Variants in TOX2 observed in about 807,000 individuals in gnomAD.
TOX2 encodes granulosa cell HMG box 1.
TOX2 carries 15 observed loss-of-function variants against 47.4 expected under a neutral mutation model. That is an observed-to-expected ratio of 0.32 (90% CI 0.21 to 0.49). The LOEUF (loss-of-function observed/expected upper bound fraction) is 0.49. Among genes scored for constraint, TOX2 ranks in the 20% least tolerant of loss-of-function variants. TOX2 has a pLI of 0.99. For missense variants in TOX2, 622 were observed against 673.1 expected (o/e 0.92, Z 0.84); for synonymous variants, 290 against 296.6 (o/e 0.98, Z 0.23).
At chr20:44,055,870 A>G (rs534890276) in intron 5 of TOX2, among the ~76,000 whole-genome samples, 2 of 152,288 alleles carry the variant, frequency 1.3e-5, no homozygotes, top group African/African-American at 4.8e-5. Context: ...GAGATGAATT[A>G]CTGACTTATT....
At chr20:44,036,443 TCA>T (rs2071242086) in intron 3 of TOX2, among the ~76,000 whole-genome samples, 1 of 152,248 alleles carries the variant, frequency 6.6e-6, no homozygotes, top group African/African-American at 2.4e-5. Flanking sequence ...ATTCTGAGCC[TCA>T]GTTTCCTCAT....
At chr20:43,952,652 A>G (rs967387676) in intron 1 of TOX2, among the ~76,000 whole-genome samples, 2 of 152,160 alleles carry the variant, frequency 1.3e-5, no homozygotes, top group Non-Finnish European at 2.9e-5. Flanking sequence ...GCTCCAATAA[A>G]TGGTAAGGGG....
At position 43,991,748 on chromosome 20, in the gene TOX2, A is replaced by G. The variant is rs562743432; in HGVS notation, c.166-14799A>G. Among the ~76,000 whole-genome samples, 50 of 151,932 alleles carry G rather than the reference A, an allele frequency of 3.3e-4. 1 individual carries two copies. The South Asian group carries it at 0.01, about 31-fold the overall frequency. On this transcript the variant is annotated intron_variant, in intron 2 of 8. Coordinates refer to ENST00000341197, the MANE Select transcript of TOX2 (RefSeq NM_001098797.2). ...AACCTCCACCTCCCAGGTTCAAGCA[A>G]TTCTGCTGCTTCAGCCTCCTGAGTA...
intron 3 of TOX2, among the ~76,000 whole-genome samples, chr20:44,017,044 C>T (rs1159193441): frequency 1.3e-5 from 2 of 152,226 alleles, no homozygotes; most frequent in African/African-American, 4.8e-5. Flanking sequence ...CCTGGGATGG[C>T]CTGAAGGCTG....
At chr20:43,996,812 A>T (rs1159814385) in intron 2 of TOX2, among the ~76,000 whole-genome samples, 1 of 152,100 alleles carries the variant, frequency 6.6e-6, no homozygotes, top group Non-Finnish European at 1.5e-5. Context: ...AGCAAGTAAG[A>T]TTCCCCATGT....
In TOX2 at chr20:44,006,777, G is replaced by C. The variant is rs1291241720; in HGVS notation, c.396G>C (p.Ser132=). 2 of 1,613,400 alleles carry C rather than the reference G, an allele frequency of 1.2e-6. No homozygotes were observed. Among genetic ancestry groups the C allele is most frequent in the South Asian group, 2.2e-5 (2 of 91,044 alleles). ...TAGCACAGGACAGCCACCTGCTGTC[G>C]GGCCAGCTGCCCACGGTGAGTCCCT... ...NMLAQDSHLL[S]GQLPTIQEMV... is the part of the protein sequence containing the mutation. The change falls in exon 3 of 9, where the codon TCG becomes TCC. Residue 132 remains serine (S), a synonymous_variant. Coordinates refer to ENST00000341197, the MANE Select transcript of TOX2 (RefSeq NM_001098797.2).
chr20:44,030,946 C>A (rs1343062859), intron 3 of TOX2, among the ~76,000 whole-genome samples: 1 of 152,148 alleles, frequency 6.6e-6, no homozygotes, highest in Non-Finnish European at 1.5e-5. Context: ...TTGTTAAATT[C>A]TTCCTTAAAA....
chr20:44,053,439 T>TACACACACACAC (rs111951284), intron 4 of TOX2, among the ~76,000 whole-genome samples: 39 of 143,146 alleles, frequency 2.7e-4, no homozygotes, highest in African/African-American at 9.2e-4. Flanking sequence ...GGCAGATATA[T>TACACACACACAC]ACACACACAC....
At chr20:44,018,639 C>T (rs2070924210) in intron 3 of TOX2, among the ~76,000 whole-genome samples, 1 of 152,208 alleles carries the variant, frequency 6.6e-6, no homozygotes, top group South Asian at 2.1e-4. Context: ...CTCATGAGCT[C>T]TCTTTCTCTC....
intron 2 of TOX2, among the ~76,000 whole-genome samples, chr20:43,997,039 A>C (rs748690902): frequency 4.6e-5 from 7 of 152,202 alleles, no homozygotes; most frequent in Non-Finnish European, 8.8e-5. Flanking sequence ...AGTGAATGCC[A>C]CTTCTCCTTT....
In TOX2 at chr20:44,006,557, G is replaced by A. The variant is rs868673514; in HGVS notation, c.176G>A (p.Gly59Asp). 1.2e-6 allele frequency: 2 copies of A among 1,612,708 alleles called. No homozygotes were observed. The highest frequency in any genetic ancestry group is 3.3e-5 in the Admixed American group (2 of 59,974). The change falls in exon 3 of 9, where the codon GGC (glycine) becomes GAC (aspartate). Residue 59 changes from glycine (G) to aspartate (D), a missense_variant. By Grantham distance (94) the Gly-to-Asp change is moderately conservative. Transcript: ENST00000341197. The stretch of plus-strand genomic sequence containing the variant: ...TTTTTGATGTTTTAGACCTACAACG[G>A]CCAGAGCGAGAACAACGAAGACTAT... The part of the protein sequence containing the change: ...ELLSTSQTYN[G>D]QSENNEDYEI...
intron 2 of TOX2, among the ~76,000 whole-genome samples, chr20:43,989,391 A>C (rs912187521): frequency 6.6e-6 from 1 of 152,232 alleles, no homozygotes; most frequent in Non-Finnish European, 1.5e-5. Context: ...AGCATCACAC[A>C]TGCGGGAGCC....
At chr20:43,977,391 G>A (rs182546239) in intron 2 of TOX2, among the ~76,000 whole-genome samples, 347 of 152,274 alleles carry the variant, frequency 2.3e-3, no homozygotes, top group Non-Finnish European at 3.5e-3. Flanking sequence ...GATTACAGGC[G>A]TGAGTCACTA....
At chr20:43,955,286 G>A in intron 1 of TOX2, 2 of 985,460 alleles carry the variant, frequency 2.0e-6, no homozygotes, top group Non-Finnish European at 2.4e-6. Flanking sequence ...AGTAGCTGCT[G>A]AAAACCCTCC....
chr20:43,945,945 C>T (rs372134706), intron 1 of TOX2: 30 of 1,613,744 alleles, frequency 1.9e-5, no homozygotes, highest in Non-Finnish European at 1.9e-5. Flanking sequence ...CTGTCGCGGG[C>T]GCGTTCTCTC....
At chr20:43,947,159 A>G (rs910909) in intron 1 of TOX2, among the ~76,000 whole-genome samples, 32,174 of 152,142 alleles carry the variant, frequency 0.21, 5,196 homozygotes, top group African/African-American at 0.44. Flanking sequence ...CACCTACTGT[A>G]TACTGGGGTC....
chr20:43,993,254 T>TA (rs1370183500), intron 2 of TOX2, among the ~76,000 whole-genome samples: 1 of 152,138 alleles, frequency 6.6e-6, no homozygotes, highest in East Asian at 1.9e-4. Flanking sequence ...GTTTTGTGTG[T>TA]GGAACCTCTA....
chr20:44,000,067 G>A (rs2070548529), intron 2 of TOX2, among the ~76,000 whole-genome samples: 1 of 152,166 alleles, frequency 6.6e-6, no homozygotes, highest in African/African-American at 2.4e-5. Context: ...TAGCTGGAGT[G>A]GTATGAACAA....
intron 1 of TOX2, among the ~76,000 whole-genome samples, chr20:43,940,364 C>T (rs913451946): frequency 1.3e-5 from 2 of 151,490 alleles, no homozygotes; most frequent in African/African-American, 4.9e-5. Context: ...TACAGGCATG[C>T]GCCACCATGC....
Sources: gnomAD v4.1 joint callset for allele counts (sites outside exome capture counted in the v4.1 genomes callset) on GRCh38, gnomAD v4.1.1 for gene constraint, MANE v1.5 for transcripts, NCBI Gene and HGNC (gene_info 2026-07-23, HGNC 2026-07-21) for gene names.